Variants in UTRN observed in about 807,000 individuals in gnomAD.
UTRN encodes the protein utrophin, also known as dystrophin-related protein 1.
In UTRN, 283 loss-of-function variants were observed where a neutral mutation model predicts 463.9. The observed-to-expected ratio is 0.61, with a 90% confidence interval of 0.55 to 0.67. UTRN has a LOEUF of 0.67. Among genes scored for constraint, UTRN ranks in the 30% least tolerant of loss-of-function variants. UTRN has a pLI of 0.00. For synonymous variants in UTRN, 1,442 were observed against 1,431.5 expected (o/e 1.01, Z -0.17); for missense variants, 3,922 against 4,084.3 (o/e 0.96, Z 1.08).
rs546642453 is a variant in UTRN at position 144,505,658 on chromosome 6, G to C, written c.4765-5286G>C. ...TCTGTTCTTTTGCATTTGCTGAGGA[G>C]TGTTTTACTTCCAATTATGTGGTCA... On this transcript the variant is annotated intron_variant, in intron 34 of 74. Transcript: ENST00000367545. Among the ~76,000 whole-genome samples the C allele has an allele frequency of 1.3e-4, 20 of 152,306 alleles. No individual in the cohort carries two copies. The South Asian group carries it at 4.1e-3, about 32-fold the overall frequency.
chr6:144,799,281 C>T (rs899029405), intron 64 of UTRN: 7 of 343,214 alleles, frequency 2.0e-5, no homozygotes, highest in Non-Finnish European at 3.6e-5. Context: ...AAGTTCTCTT[C>T]TCTCATGCAT....
intron 58 of UTRN, among the ~76,000 whole-genome samples, chr6:144,761,290 T>A (rs942201589): frequency 2.0e-5 from 3 of 152,230 alleles, no homozygotes; most frequent in African/African-American, 4.8e-5. Context: ...GTAGACTTTC[T>A]GAAACTGATC....
intron 66 of UTRN, among the ~76,000 whole-genome samples, chr6:144,824,614 C>CTTTTTT (rs34382974): frequency 7.1e-4 from 22 of 30,870 alleles, no homozygotes; most frequent in African/African-American, 2.2e-3. Context: ...ATATATATAT[C>CTTTTTT]TTTTTTTTTT....
chr6:144,353,884 A>C (rs1001669961), intron 2 of UTRN, among the ~76,000 whole-genome samples: 1 of 152,136 alleles, frequency 6.6e-6, no homozygotes, highest in Admixed American at 6.5e-5. Context: ...AAAACAAAAA[A>C]ACCAAGGAGC....
intron 53 of UTRN, among the ~76,000 whole-genome samples, chr6:144,712,789 G>A (rs985273411): frequency 4.6e-5 from 7 of 152,166 alleles, no homozygotes; most frequent in Admixed American, 1.3e-4. Flanking sequence ...GGGAAGATTG[G>A]GAAAGGCTCC....
At chr6:144,584,442 G>A (rs924017744) in intron 51 of UTRN, among the ~76,000 whole-genome samples, 1 of 151,950 alleles carries the variant, frequency 6.6e-6, no homozygotes, top group African/African-American at 2.4e-5. Flanking sequence ...TTTTAGTACC[G>A]TTCTCAAGAA....
intron 2 of UTRN, among the ~76,000 whole-genome samples, chr6:144,352,312 T>C (rs1778178841): frequency 6.6e-6 from 1 of 152,156 alleles, no homozygotes; most frequent in Non-Finnish European, 1.5e-5. Flanking sequence ...TAAGGGACTT[T>C]TGGGGATAGA....
At chr6:144,592,966 C>T (rs1009177736) in intron 51 of UTRN, among the ~76,000 whole-genome samples, 2 of 152,008 alleles carry the variant, frequency 1.3e-5, no homozygotes, top group Non-Finnish European at 2.9e-5. Context: ...TGGGATGCAA[C>T]AAATACAGTA....
chr6:144,532,838 T>C (rs1797187909), intron 42 of UTRN, among the ~76,000 whole-genome samples: 1 of 152,240 alleles, frequency 6.6e-6, no homozygotes, highest in Non-Finnish European at 1.5e-5. Context: ...TAAGCTGCCC[T>C]ATTTCCTTGT....
intron 2 of UTRN, among the ~76,000 whole-genome samples, chr6:144,395,858 AT>A (rs1164921119): frequency 4.6e-5 from 7 of 151,360 alleles, no homozygotes; most frequent in East Asian, 3.9e-4. Flanking sequence ...ATGGCTATAC[AT>A]TTTTTTTTAA....
At position 144,852,862 on chromosome 6, in the gene UTRN, A is replaced by T. The variant is rs1453459491; in HGVS notation, c.*1865A>T. The T allele has an allele frequency of 6.6e-6, 1 of 152,640 alleles. No homozygotes were observed. Among genetic ancestry groups the T allele is most frequent in the Non-Finnish European group, 1.5e-5 (1 of 68,026 alleles). The allele number at this position is 152,640 out of a possible 1,614,324, so 9.5% of individuals were successfully genotyped here. A position where few individuals can be genotyped will look rare whatever the true frequency, so the allele number is the denominator to read the frequency against. ...CTATTAAAGAAAAGCTACGTAAAACACTACATTGTAACCTTCTAAGTAATA... is the reference window on the plus strand; with the variant it reads ...CTATTAAAGAAAAGCTACGTAAAACTCTACATTGTAACCTTCTAAGTAATA... On this transcript the variant is annotated 3_prime_UTR_variant, in exon 75 of 75. Coordinates refer to ENST00000367545, the MANE Select transcript of UTRN (RefSeq NM_007124.3).
chr6:144,487,193 T>C (rs537964584), intron 28 of UTRN, among the ~76,000 whole-genome samples: 1 of 151,730 alleles, frequency 6.6e-6, no homozygotes, highest in South Asian at 2.1e-4. Context: ...TTTAGAGACA[T>C]AGTCTCGCTC....
intron 51 of UTRN, among the ~76,000 whole-genome samples, chr6:144,599,771 T>C (rs1439765872): frequency 2.0e-5 from 3 of 152,024 alleles, no homozygotes; most frequent in African/African-American, 7.3e-5. Context: ...TACTTTCATT[T>C]CACTCTTCTT....
intron 2 of UTRN, 42 bp from the exon 3 acceptor site, chr6:144,403,081 A>G (rs1375165414): frequency 6.4e-7 from 1 of 1,562,576 alleles, no homozygotes; most frequent in South Asian, 1.1e-5. Flanking sequence ...AAAGGTACAG[A>G]CTCTCATACT....
chr6:144,614,123 T>C (rs1805816730), intron 51 of UTRN, among the ~76,000 whole-genome samples: 1 of 152,114 alleles, frequency 6.6e-6, no homozygotes, highest in South Asian at 2.1e-4. Context: ...TCATTAATTT[T>C]ACCAATGGTT....
chr6:144,508,433 G>A (rs889239429), intron 34 of UTRN, among the ~76,000 whole-genome samples: 12 of 152,212 alleles, frequency 7.9e-5, no homozygotes, highest in East Asian at 7.7e-4. Context: ...TGAGAAAAGT[G>A]TAGTATCTTG....
At chr6:144,340,161 C>T (rs966251325) in intron 2 of UTRN, among the ~76,000 whole-genome samples, 1 of 151,996 alleles carries the variant, frequency 6.6e-6, no homozygotes, top group Admixed American at 6.6e-5. Context: ...AACAAGACTG[C>T]GACTGCGTCT....
chr6:144,379,465 G>A (rs1312976194), intron 2 of UTRN, among the ~76,000 whole-genome samples: 1 of 152,192 alleles, frequency 6.6e-6, no homozygotes, highest in South Asian at 2.1e-4. Context: ...CTGGTTCTCG[G>A]TCGAAGGCCA....
Position 144,516,912 on chromosome 6 carries a change from A to G in UTRN, c.5505A>G (p.Gln1835=), listed in dbSNP as rs1795661033. The G allele has an allele frequency of 2.7e-6, 4 of 1,496,570 alleles. No individual in the cohort carries two copies. The South Asian group carries it at 5.6e-5, about 21-fold the overall frequency. The allele number at this position is 1,496,570 out of a possible 1,614,324, so 92.7% of individuals were successfully genotyped here. Reference sequence around the variant, plus strand: ...ATAAAAAAGAAAAGATCCGTTTGCAATTATTACTTTTGCATACTAGATACA... The same window carrying G: ...ATAAAAAAGAAAAGATCCGTTTGCAGTTATTACTTTTGCATACTAGATACA... ...EDNKKEKIRL[Q]LLLLHTRYNK... is the part of the protein sequence containing the mutation. Residue 1835 remains glutamine, a synonymous_variant, in exon 39 of 75, where the codon CAA becomes CAG. Transcript: ENST00000367545.
Sources: allele counts gnomAD v4.1 joint callset (sites outside exome capture counted in the v4.1 genomes callset), GRCh38; gene constraint gnomAD v4.1.1; transcripts MANE v1.5; gene names NCBI Gene and HGNC (gene_info 2026-07-23, HGNC 2026-07-21).